The following MYO9A variants were observed in gnomAD, a reference collection of about 807,000 sequenced individuals.
MYO9A encodes the protein myosin IXA.
Under a neutral mutation model 293.3 loss-of-function variants are expected in MYO9A, and 103 were observed. The ratio of observed to expected loss-of-function variants is 0.35; its 90% CI spans 0.30 to 0.41. The LOEUF (loss-of-function observed/expected upper bound fraction) is 0.41, where lower values mean the gene tolerates loss of function less well. MYO9A is among the 10% of genes least tolerant of loss of function. The pLI is 1.00. For missense variants in MYO9A, 2,685 were observed against 3,033.0 expected (o/e 0.89, Z 2.69); for synonymous variants, 1,001 against 1,035.7 (o/e 0.97, Z 0.64).
At chr15:71,860,969 C>CAAAAAAAA (rs61030744) in intron 33 of MYO9A, among the ~76,000 whole-genome samples, 6 of 32,416 alleles carry the variant, frequency 1.9e-4, no homozygotes, top group East Asian at 1.0e-3. Context: ...TCCATCTCAC[C>CAAAAAAAA]AAAAAAAAAA....
chr15:72,008,047 A>T (rs1185251208), intron 7 of MYO9A, 95 bp from the exon 8 acceptor site: 1 of 1,418,950 alleles, frequency 7.0e-7, no homozygotes, highest in Non-Finnish European at 9.5e-7. Context: ...ACCTACAAAT[A>T]TGAAGTATTT....
chr15:71,838,977 C>T (rs1422145580), intron 39 of MYO9A, among the ~76,000 whole-genome samples: 1 of 152,186 alleles, frequency 6.6e-6, no homozygotes, highest in Non-Finnish European at 1.5e-5. Flanking sequence ...CAATGAGATA[C>T]TGGGACCCCT....
intron 1 of MYO9A, among the ~76,000 whole-genome samples, chr15:72,060,864 C>T (rs1233220443): frequency 1.3e-5 from 2 of 152,100 alleles, no homozygotes; most frequent in African/African-American, 4.8e-5. Context: ...CTAGGGCAGC[C>T]CAAACAGTGC....
intron 13 of MYO9A, among the ~76,000 whole-genome samples, chr15:71,965,552 C>A (rs1389172814): frequency 6.6e-6 from 1 of 152,136 alleles, no homozygotes; most frequent in African/African-American, 2.4e-5. Flanking sequence ...TCGAGACCAG[C>A]CTGGCCAACA....
At chr15:71,842,038 G>C (rs1596006286) in intron 39 of MYO9A, among the ~76,000 whole-genome samples, 1 of 152,054 alleles carries the variant, frequency 6.6e-6, no homozygotes, top group South Asian at 2.1e-4. Flanking sequence ...TCTATGGAGA[G>C]AGGTCCATAA....
At chr15:71,942,499 AT>A (rs896559998) in intron 15 of MYO9A, among the ~76,000 whole-genome samples, 1 of 151,874 alleles carries the variant, frequency 6.6e-6, no homozygotes, top group African/African-American at 2.4e-5. Context: ...TACATCTGGA[AT>A]TTTTTTCTGA....
chr15:72,056,786 G>A (rs1397290167), intron 1 of MYO9A, among the ~76,000 whole-genome samples: 1 of 152,174 alleles, frequency 6.6e-6, no homozygotes, highest in African/African-American at 2.4e-5. Flanking sequence ...GACCAGCCTG[G>A]CCAACATGGC....
chr15:72,042,029 A>G (rs2078242209), intron 2 of MYO9A, among the ~76,000 whole-genome samples: 1 of 150,600 alleles, frequency 6.6e-6, no homozygotes, highest in African/African-American at 2.4e-5. Flanking sequence ...AAAAAAAAAA[A>G]CCAGTTCTAC....
intron 39 of MYO9A, among the ~76,000 whole-genome samples, chr15:71,839,391 T>C (rs1265230479): frequency 6.6e-6 from 1 of 152,090 alleles, no homozygotes; most frequent in Non-Finnish European, 1.5e-5. Context: ...GTCTTTGATG[T>C]GAATCAGGTT....
intron 39 of MYO9A, among the ~76,000 whole-genome samples, chr15:71,844,047 T>G (rs926015862): frequency 1.3e-5 from 2 of 152,204 alleles, no homozygotes; most frequent in Admixed American, 6.5e-5. Context: ...ATATACAAGT[T>G]TATATGTAAG....
At chr15:72,028,218 A>AAT (rs33914430) in intron 3 of MYO9A, among the ~76,000 whole-genome samples, 76,156 of 134,108 alleles carry the variant, frequency 0.57, 22,338 homozygotes, top group Non-Finnish European at 0.65. Flanking sequence ...TAAATAAATA[A>AAT]ATATATATAT....
At chr15:72,079,192 G>A (rs2079463082) in intron 1 of MYO9A, among the ~76,000 whole-genome samples, 1 of 151,970 alleles carries the variant, frequency 6.6e-6, no homozygotes, top group African/African-American at 2.4e-5. Flanking sequence ...TAAACAATAG[G>A]GGAAACTGTG....
At chr15:72,037,037 T>A (rs1211054918) in intron 2 of MYO9A, among the ~76,000 whole-genome samples, 4 of 142,962 alleles carry the variant, frequency 2.8e-5, no homozygotes, top group South Asian at 2.3e-4. Flanking sequence ...CTGCCCCTCA[T>A]CCTACTTTTT....
At chr15:72,061,446 G>C (rs1243094784) in intron 1 of MYO9A, among the ~76,000 whole-genome samples, 1 of 152,112 alleles carries the variant, frequency 6.6e-6, no homozygotes, top group Non-Finnish European at 1.5e-5. Flanking sequence ...CCCTGGGCCA[G>C]AAGGGAACCC....
chr15:71,924,810 T>C (rs1212357033), intron 18 of MYO9A, among the ~76,000 whole-genome samples: 1 of 151,726 alleles, frequency 6.6e-6, no homozygotes, highest in Non-Finnish European at 1.5e-5. Flanking sequence ...ACCCCAGCTA[T>C]TTGGGAGGTT....
At chr15:72,028,889 G>A (rs2077770980) in intron 3 of MYO9A, among the ~76,000 whole-genome samples, 1 of 152,140 alleles carries the variant, frequency 6.6e-6, no homozygotes, top group Admixed American at 6.6e-5. Flanking sequence ...TCAAGCACAA[G>A]GAATATGGAA....
chr15:71,861,904 G>A (rs1429843311), intron 33 of MYO9A, among the ~76,000 whole-genome samples: 1 of 152,198 alleles, frequency 6.6e-6, no homozygotes, highest in Non-Finnish European at 1.5e-5. Context: ...GCCAAGGCGG[G>A]AGGATCATCT....
At chr15:71,917,445 G>A (rs1024233411) in intron 18 of MYO9A, among the ~76,000 whole-genome samples, 2 of 152,164 alleles carry the variant, frequency 1.3e-5, no homozygotes, top group Non-Finnish European at 2.9e-5. Flanking sequence ...TGAGGCAGGA[G>A]AACTGCTTGA....
At chr15:71,865,958 G>T (rs903105381) in intron 32 of MYO9A, among the ~76,000 whole-genome samples, 1 of 152,144 alleles carries the variant, frequency 6.6e-6, no homozygotes, top group African/African-American at 2.4e-5. Context: ...GTGAATTCAA[G>T]AATCAAAACT....
Sources: gnomAD v4.1 joint callset for allele counts (sites outside exome capture counted in the v4.1 genomes callset) on GRCh38, gnomAD v4.1.1 for gene constraint, MANE v1.5 for transcripts, NCBI Gene and HGNC (gene_info 2026-07-23, HGNC 2026-07-21) for gene names.